Variants in STAM observed in about 807,000 individuals in gnomAD.
STAM encodes signal transducing adaptor molecule, also known as signal transducing adapter molecule 1.
STAM carries 16 observed loss-of-function variants against 63.4 expected under a neutral mutation model. The ratio of observed to expected loss-of-function variants is 0.25; its 90% confidence interval spans 0.17 to 0.38. STAM has a LOEUF of 0.38. STAM is among the 10% of genes least tolerant of loss of function. The pLI is 1.00. For synonymous variants in STAM, 238 were observed against 223.9 expected (o/e 1.06, Z -0.56); for missense variants, 636 against 657.1 (o/e 0.97, Z 0.35).
intron 2 of STAM, among the ~76,000 whole-genome samples, chr10:17,679,509 T>C (rs1834994844): frequency 6.6e-6 from 1 of 152,168 alleles, no homozygotes; most frequent in Admixed American, 6.5e-5. Flanking sequence ...ATTCTGTGGG[T>C]TGACTTTTCT....
intron 11 of STAM, 23 bp from the exon 12 acceptor site, chr10:17,705,565 C>T (rs1564570062): frequency 1.2e-6 from 2 of 1,600,490 alleles, no homozygotes; most frequent in Admixed American, 1.7e-5. Context: ...AGCTATGCTT[C>T]AAATTATTGT....
rs367655001 is a variant in STAM, at chr10:17,695,251, A to C, written c.728+10A>C. ...CAGTTCTTGATGACAGGTAATGTTA[A>C]TATTACATTTAAAATTTGTATGAAA... On this transcript the variant is annotated intron_variant, in intron 7 of 13. Transcript: ENST00000377524. 64 of 1,608,540 alleles carry C rather than the reference A, an allele frequency of 4.0e-5. No homozygotes were observed. Among genetic ancestry groups the C allele is most frequent in the Non-Finnish European group, 4.8e-5 (56 of 1,176,648 alleles).
At chr10:17,688,196 T>C in intron 5 of STAM, 23 bp downstream of exon 5, 1 of 1,502,992 alleles carries the variant, frequency 6.7e-7, no homozygotes, top group Non-Finnish European at 8.9e-7. Flanking sequence ...TGAAGTTGTG[T>C]GTGTGCTACA....
At chr10:17,690,092 A>G (rs1479885388) in intron 5 of STAM, among the ~76,000 whole-genome samples, 2 of 152,216 alleles carry the variant, frequency 1.3e-5, no homozygotes, top group South Asian at 2.1e-4. Flanking sequence ...ATTTTTACAG[A>G]TGAGGAAACT....
chr10:17,694,832 CATGCTGTTCCA>C (rs1835685693), intron 6 of STAM: 2 of 417,676 alleles, frequency 4.8e-6, no homozygotes, highest in Middle Eastern at 6.3e-4. Context: ...TAGGAGTTTT[CATGCTGTTCCA>C]ATTTTGTTAA....
At chr10:17,648,321 A>G (rs532565027) in intron 1 of STAM, among the ~76,000 whole-genome samples, 2 of 152,302 alleles carry the variant, frequency 1.3e-5, no homozygotes, top group East Asian at 3.9e-4. Context: ...AGTGCTCTGT[A>G]GCTAGCTAGA....
intron 1 of STAM, among the ~76,000 whole-genome samples, chr10:17,653,561 G>A (rs1359795121): frequency 1.3e-5 from 2 of 152,120 alleles, no homozygotes; most frequent in African/African-American, 4.8e-5. Flanking sequence ...TTGTATCTGG[G>A]GGTCTGCATT....
At chr10:17,694,879 A>G (rs1554827234) in intron 6 of STAM, 170 bp from the exon 7 acceptor site, 2 of 531,418 alleles carry the variant, frequency 3.8e-6, no homozygotes, top group Non-Finnish European at 6.2e-6. Context: ...TCAGTTGTGA[A>G]TGAATGAATA....
At position 17,694,947 on chromosome 10, in the gene STAM, C is replaced by A. The variant is rs1835689991; in HGVS notation, c.536-102C>A. ...GGATATGTTCTAGTTTCTAACTATA[C>A]TATTGAAGGAAGAATACCTTTTATC... On this transcript the variant is annotated intron_variant, in intron 6 of 13. Coordinates refer to ENST00000377524, the MANE Select transcript of STAM (RefSeq NM_003473.4). 1.0e-5 allele frequency: 11 copies of A among 1,062,182 alleles called. No individual in the cohort carries two copies. The East Asian group carries it at 1.5e-4, about 15-fold the overall frequency. The allele number at this position is 1,062,182 out of a possible 1,614,324, so 65.8% of individuals were successfully genotyped here.
At chr10:17,689,243 A>T (rs1835430627) in intron 5 of STAM, among the ~76,000 whole-genome samples, 1 of 152,204 alleles carries the variant, frequency 6.6e-6, no homozygotes. Context: ...GTCTTTCCCC[A>T]GTTTATTGAC....
chr10:17,669,178 G>T (rs144993174), intron 2 of STAM, among the ~76,000 whole-genome samples: 2 of 152,204 alleles, frequency 1.3e-5, no homozygotes, highest in African/African-American at 4.8e-5. Context: ...ACCATTTACT[G>T]AATCGTCCAT....
chr10:17,662,410 C>T (rs1260645862), intron 2 of STAM, among the ~76,000 whole-genome samples: 1 of 152,154 alleles, frequency 6.6e-6, no homozygotes, highest in African/African-American at 2.4e-5. Flanking sequence ...CTTTCCTTAT[C>T]CCCTTTACTG....
intron 5 of STAM, among the ~76,000 whole-genome samples, chr10:17,689,021 A>G (rs1237031645): frequency 1.3e-5 from 2 of 152,200 alleles, no homozygotes; most frequent in Non-Finnish European, 2.9e-5. Flanking sequence ...GCCGACCAGT[A>G]CATAAGTCTT....
intron 1 of STAM, among the ~76,000 whole-genome samples, chr10:17,648,896 T>C (rs1554821219): frequency 1.3e-5 from 2 of 152,326 alleles, no homozygotes; most frequent in South Asian, 2.1e-4. Context: ...GTGTGTCTGA[T>C]ATGATTATGA....
chr10:17,650,938 G>A lies in STAM; in HGVS notation c.40+6559G>A, dbSNP rs1205011475. Reference sequence around the variant, plus strand: ...AAATTAGCCGGGCGTAGTGGCGGGCGCCTGTAGTCCCAGCTACTCAGGAGG... The same window carrying A: ...AAATTAGCCGGGCGTAGTGGCGGGCACCTGTAGTCCCAGCTACTCAGGAGG... On this transcript the variant is annotated intron_variant, in intron 1 of 13. Coordinates refer to ENST00000377524, the MANE Select transcript of STAM (RefSeq NM_003473.4). Among the ~76,000 whole-genome samples, 4 of 151,312 alleles carry A rather than the reference G, an allele frequency of 2.6e-5. No individual in the cohort carries two copies. The East Asian group carries it at 7.8e-4, about 29-fold the overall frequency.
intron 5 of STAM, 83 bp from the exon 6 acceptor site, chr10:17,693,139 A>G (rs1301953544): frequency 3.4e-6 from 4 of 1,192,504 alleles, no homozygotes; most frequent in Non-Finnish European, 4.9e-6. Flanking sequence ...ATTGATGAGA[A>G]AGGTTTTGCA....
chr10:17,671,148 C>G (rs1834623739), intron 2 of STAM, among the ~76,000 whole-genome samples: 1 of 152,144 alleles, frequency 6.6e-6, no homozygotes, highest in Non-Finnish European at 1.5e-5. Context: ...TCTGCTAGGT[C>G]CTGGTATACT....
chr10:17,660,146 A>T (rs570606662), intron 1 of STAM, among the ~76,000 whole-genome samples: 9 of 152,194 alleles, frequency 5.9e-5, no homozygotes, highest in Non-Finnish European at 1.2e-4. Flanking sequence ...TTTGCTAATG[A>T]AAATAGTATT....
At chr10:17,682,238 T>A (rs1835117837) in intron 2 of STAM, among the ~76,000 whole-genome samples, 1 of 152,226 alleles carries the variant, frequency 6.6e-6, no homozygotes, top group South Asian at 2.1e-4. Flanking sequence ...GAAATAGTAT[T>A]GTCAGTACTC....
Sources: allele counts gnomAD v4.1 joint callset (sites outside exome capture counted in the v4.1 genomes callset), GRCh38; gene constraint gnomAD v4.1.1; transcripts MANE v1.5; gene names NCBI Gene and HGNC (gene_info 2026-07-23, HGNC 2026-07-21).